The following RORA variants were observed in gnomAD, a reference collection of about 807,000 sequenced individuals.
RORA encodes the protein nuclear receptor ROR-alpha.
RORA carries 7 observed loss-of-function variants against 69.5 expected under a neutral mutation model. That is an observed-to-expected ratio of 0.10 (90% confidence interval 0.06 to 0.19). RORA has a LOEUF of 0.19. Among genes scored for constraint, RORA ranks in the 10% least tolerant of loss-of-function variants. RORA has a pLI of 1.00. For missense variants in RORA, 457 were observed against 663.0 expected (o/e 0.69, Z 3.41); for synonymous variants, 261 against 240.8 (o/e 1.08, Z -0.78).
chr15:60,622,139 A>G (rs1346495777), intron 2 of RORA, among the ~76,000 whole-genome samples: 1 of 102,048 alleles, frequency 9.8e-6, no homozygotes, highest in Non-Finnish European at 2.0e-5. Context: ...GTATTTATAC[A>G]TGGGGATGAG....
At chr15:61,162,078 T>C (rs1036309198) in intron 1 of RORA, among the ~76,000 whole-genome samples, 19 of 152,378 alleles carry the variant, frequency 1.2e-4, no homozygotes, top group African/African-American at 4.3e-4. Context: ...TATTGTTTTC[T>C]ATTCCAAAAT....
intron 2 of RORA, among the ~76,000 whole-genome samples, chr15:60,675,053 C>A (rs1229101320): frequency 1.3e-5 from 2 of 152,178 alleles, no homozygotes; most frequent in Non-Finnish European, 2.9e-5. Flanking sequence ...TGATGCTAAA[C>A]TTTCCAGTAG....
At chr15:60,674,268 A>T (rs980586219) in intron 2 of RORA, among the ~76,000 whole-genome samples, 1 of 152,236 alleles carries the variant, frequency 6.6e-6, no homozygotes, top group African/African-American at 2.4e-5. Flanking sequence ...CTAAGAGTCT[A>T]CAATAAAAAA....
chr15:60,786,019 C>A (rs1458816216), intron 1 of RORA, among the ~76,000 whole-genome samples: 1 of 152,170 alleles, frequency 6.6e-6, no homozygotes, highest in East Asian at 1.9e-4. Context: ...TGAATGGATC[C>A]CTGACAAATA....
rs1246178630 is a variant in RORA, at chr15:60,502,636, T to C, written c.1183+124A>G. On this transcript the variant is annotated intron_variant, in intron 8 of 10. Coordinates refer to ENST00000335670, the MANE Select transcript of RORA (RefSeq NM_134261.3). The stretch of plus-strand genomic sequence containing the variant: ...GTGACTAACTAGAAAGTAAAATAGG[T>C]ATAAAACCCCTTAATTTTTGTTTCT... 4 of 713,764 alleles carry C rather than the reference T, an allele frequency of 5.6e-6. No homozygotes were observed. The East Asian group carries it at 9.9e-5, about 18-fold the overall frequency. The allele number at this position is 713,764 out of a possible 1,614,324, so 44.2% of individuals were successfully genotyped here.
intron 1 of RORA, among the ~76,000 whole-genome samples, chr15:61,218,248 G>C (rs960748336): frequency 6.7e-6 from 1 of 149,472 alleles, no homozygotes; most frequent in African/African-American, 2.5e-5. Flanking sequence ...TCTCATTGTG[G>C]ATCACGGTAT....
At chr15:60,627,750 A>T (rs1006113686) in intron 2 of RORA, among the ~76,000 whole-genome samples, 4 of 152,160 alleles carry the variant, frequency 2.6e-5, no homozygotes, top group African/African-American at 4.8e-5. Context: ...TCAAACTCTT[A>T]TTAATCCCTC....
chr15:60,839,746 G>A (rs952823376), intron 1 of RORA, among the ~76,000 whole-genome samples: 1 of 152,200 alleles, frequency 6.6e-6, no homozygotes, highest in African/African-American at 2.4e-5. Context: ...ATGGAGTTGT[G>A]AGACACAGTG....
In RORA at chr15:60,506,515, A is replaced by G. The variant is rs149446769; in HGVS notation, c.821-886T>C. The stretch of plus-strand genomic sequence containing the variant: ...TCTAGATAATAAGGTATAAAGTTGA[A>G]TTACAGAAGAAGAGAAAGAAAAAAG... On this transcript the variant is annotated intron_variant, in intron 5 of 10. Coordinates refer to ENST00000335670, the MANE Select transcript of RORA (RefSeq NM_134261.3). Among the ~76,000 whole-genome samples, 400 of 152,308 alleles carry G rather than the reference A, an allele frequency of 2.6e-3. 3 individuals are homozygous for G. The highest frequency in any genetic ancestry group is 8.0e-3 in the Admixed American group (123 of 15,302).
chr15:60,736,859 A>C (rs1229537287), intron 1 of RORA: 3 of 152,230 alleles, frequency 2.0e-5, no homozygotes, highest in Non-Finnish European at 4.4e-5. Context: ...CGATAGGAGA[A>C]TAAATAGATA....
At position 60,511,630 on chromosome 15, in the gene RORA, A is replaced by G. The variant is rs2065700558; in HGVS notation, c.425-9T>C. On this transcript the variant is annotated splice_polypyrimidine_tract_variant and intron_variant, in intron 4 of 10. Transcript: ENST00000335670. The surrounding 1 kb of genome is among the most constrained non-coding windows in gnomAD (Gnocchi z 6.4). ...TCGGCCAAATTTTACAGCTGGAAGA[A>G]AAAAGCCAAACCATACTACATACAA... 6.3e-7 allele frequency: 1 copy of G among 1,598,672 alleles called. No individual in the cohort carries two copies. Among genetic ancestry groups the G allele is most frequent in the Non-Finnish European group, 8.5e-7 (1 of 1,172,074 alleles).
At chr15:60,807,505 G>A (rs1198168311) in intron 1 of RORA, among the ~76,000 whole-genome samples, 1 of 152,110 alleles carries the variant, frequency 6.6e-6, no homozygotes, top group East Asian at 1.9e-4. Flanking sequence ...ACTGCCAAAA[G>A]CAAGCTACAA....
intron 2 of RORA, among the ~76,000 whole-genome samples, chr15:60,673,813 A>G (rs2070511021): frequency 3.3e-5 from 5 of 152,212 alleles, no homozygotes; most frequent in East Asian, 1.9e-4. Context: ...TAAAAAGCCT[A>G]TCAGCGCAGA....
At chr15:60,867,730 A>C (rs2073506452) in intron 1 of RORA, among the ~76,000 whole-genome samples, 1 of 152,202 alleles carries the variant, frequency 6.6e-6, no homozygotes, top group South Asian at 2.1e-4. Context: ...GATATTCTCT[A>C]TATGAGATCC....
At chr15:60,819,826 C>T (rs12913922) in intron 1 of RORA, among the ~76,000 whole-genome samples, 104,712 of 150,770 alleles carry the variant, frequency 0.69, 36,488 homozygotes, top group East Asian at 0.84. Flanking sequence ...AACTCATGGC[C>T]GGCCCCTCTG....
intron 1 of RORA, among the ~76,000 whole-genome samples, chr15:61,089,525 G>C (rs2078673769): frequency 6.6e-6 from 1 of 152,170 alleles, no homozygotes; most frequent in Admixed American, 6.5e-5. Context: ...CTTGGTGCAA[G>C]GTGAAAAGGA....
chr15:60,813,058 G>A (rs868841583), intron 1 of RORA, among the ~76,000 whole-genome samples: 20 of 152,180 alleles, frequency 1.3e-4, no homozygotes, highest in Admixed American at 7.2e-4. Context: ...ATGCAGATCG[G>A]TGGTCTTTCT....
chr15:60,695,880 T>A (rs1236130005), intron 1 of RORA, among the ~76,000 whole-genome samples: 1 of 152,016 alleles, frequency 6.6e-6, no homozygotes, highest in Non-Finnish European at 1.5e-5. Flanking sequence ...TGAAGAGGAC[T>A]CAGTCAGGAG....
At chr15:61,134,195 CT>C (rs2140849805) in intron 1 of RORA, among the ~76,000 whole-genome samples, 1 of 152,300 alleles carries the variant, frequency 6.6e-6, no homozygotes, top group East Asian at 1.9e-4. Flanking sequence ...TAAGAATTGG[CT>C]TGGCCAAGCC....
Sources: allele counts gnomAD v4.1 joint callset (sites outside exome capture counted in the v4.1 genomes callset), GRCh38; gene constraint gnomAD v4.1.1; non-coding constraint Gnocchi (gnomAD v3.1); transcripts MANE v1.5; gene names NCBI Gene and HGNC (gene_info 2026-07-23, HGNC 2026-07-21).